Variants in UGGT2 observed in about 807,000 individuals in gnomAD.
The protein encoded by UGGT2 is UDP-glucose glycoprotein glucosyltransferase 2, also known as UDP-glucose:glycoprotein glucosyltransferase 2.
Under a neutral mutation model 192.1 loss-of-function variants are expected in UGGT2, and 180 were observed. That is an observed-to-expected ratio of 0.94 (90% CI 0.83 to 1.06). The LOEUF (loss-of-function observed/expected upper bound fraction) is 1.06, where lower values mean the gene tolerates loss of function less well. UGGT2 is among the 50% of genes least tolerant of loss of function. UGGT2 has a pLI of 0.00. For missense variants in UGGT2, 1,849 were observed against 1,795.7 expected, an observed-to-expected ratio of 1.03 and a Z score of -0.54; for synonymous variants, 580 against 591.0, an observed-to-expected ratio of 0.98 and a Z score of 0.27.
At chr13:95,877,191 A>G in intron 29 of UGGT2, 88 bp downstream of exon 29, 1 of 1,158,542 alleles carries the variant, frequency 8.6e-7, no homozygotes, top group Non-Finnish European at 1.2e-6. Context: ...CAATCTTAAC[A>G]TTTTAATTGT....
intron 36 of UGGT2, among the ~76,000 whole-genome samples, chr13:95,842,344 T>G (rs947538247): frequency 6.6e-6 from 1 of 152,204 alleles, no homozygotes; most frequent in Non-Finnish European, 1.5e-5. Context: ...TAAATCTATA[T>G]ACTTTTGGTA....
chr13:95,916,848 A>C (rs1465976082), intron 20 of UGGT2, among the ~76,000 whole-genome samples: 1 of 152,188 alleles, frequency 6.6e-6, no homozygotes, highest in Non-Finnish European at 1.5e-5. Flanking sequence ...TAGACACATT[A>C]AACAAAAAAG....
At chr13:95,947,676 C>T (rs2049922490) in intron 14 of UGGT2, among the ~76,000 whole-genome samples, 1 of 129,994 alleles carries the variant, frequency 7.7e-6, no homozygotes, top group South Asian at 2.8e-4. Flanking sequence ...GTCTTGAACC[C>T]CTGACCTCGT....
In UGGT2 at chr13:95,853,640, T is replaced by C; in HGVS notation, c.4187A>G (p.Asp1396Gly). 6.3e-7 allele frequency: 1 copy of C among 1,580,758 alleles called. No homozygotes were observed. Among genetic ancestry groups the C allele is most frequent in the South Asian group, 1.2e-5 (1 of 84,738 alleles). ...KYHISALYVV[D>G]LKKFRRIGAG... is the part of the protein sequence containing the mutation. The stretch of plus-strand genomic sequence containing the variant: ...TCCAATTCTCCTGAACTTCTTGAGA[T>C]CCACTACATATAAAGCACTGCAAAA... The change falls in exon 36 of 39, where the codon GAT becomes GGT. Residue 1396 changes from aspartate (D) to glycine (G), a missense_variant. Transcript: ENST00000376747.
At chr13:96,030,175 C>G (rs528154797) in intron 2 of UGGT2, among the ~76,000 whole-genome samples, 13 of 152,340 alleles carry the variant, frequency 8.5e-5, no homozygotes, top group African/African-American at 3.1e-4. Context: ...TCTCATCATT[C>G]AAACTCAGCT....
At chr13:95,952,335 C>A (rs1045596011) in intron 12 of UGGT2, among the ~76,000 whole-genome samples, 3 of 152,072 alleles carry the variant, frequency 2.0e-5, no homozygotes, top group East Asian at 1.9e-4. Context: ...GATATACCCA[C>A]CCCCTAGTAT....
intron 24 of UGGT2, among the ~76,000 whole-genome samples, chr13:95,893,012 C>G (rs141494676): frequency 1.2e-4 from 19 of 152,242 alleles, no homozygotes; most frequent in African/African-American, 4.3e-4. Flanking sequence ...AATGTCAAAT[C>G]CACAGAGTCT....
intron 22 of UGGT2, among the ~76,000 whole-genome samples, chr13:95,899,318 A>G (rs1160493342): frequency 1.3e-5 from 2 of 152,192 alleles, no homozygotes; most frequent in Non-Finnish European, 2.9e-5. Context: ...ATGCCTTATC[A>G]GTAAGGGTGC....
At chr13:95,994,182 T>C (rs918808502) in intron 7 of UGGT2, among the ~76,000 whole-genome samples, 2 of 152,044 alleles carry the variant, frequency 1.3e-5, no homozygotes, top group Non-Finnish European at 2.9e-5. Context: ...GTCAGAACTT[T>C]ATCAACTCCT....
chr13:95,884,752 G>C, intron 26 of UGGT2, 72 bp from the exon 27 acceptor site: 1 of 1,423,452 alleles, frequency 7.0e-7, no homozygotes, highest in East Asian at 2.4e-5. Flanking sequence ...TTTCAAAATT[G>C]AAAATTGCTT....
intron 12 of UGGT2, among the ~76,000 whole-genome samples, chr13:95,965,524 T>G (rs547251347): frequency 2.2e-5 from 3 of 137,626 alleles, no homozygotes; most frequent in African/African-American, 8.3e-5. Context: ...TTCTCACTCA[T>G]AGGTGGGAAT....
In UGGT2 at chr13:96,013,304, T is replaced by G. The variant is rs1028804188; in HGVS notation, c.660+3A>C. 6.4e-7 allele frequency: 1 copy of G among 1,573,082 alleles called. No individual in the cohort carries two copies. Among genetic ancestry groups the G allele is most frequent in the African/African-American group, 1.4e-5 (1 of 72,274 alleles). On this transcript the variant is annotated splice_donor_region_variant and intron_variant, in intron 5 of 38. Transcript: ENST00000376747. ...AGCAACCTTGGAAAAAACAAGCGCA[T>G]ACCTGAATATAATGGCGAAGAACAT...
intron 12 of UGGT2, among the ~76,000 whole-genome samples, chr13:95,957,206 G>A (rs1018906058): frequency 2.6e-5 from 4 of 152,194 alleles, no homozygotes; most frequent in Non-Finnish European, 4.4e-5. Flanking sequence ...TGTGAACAGA[G>A]CTTCGTTCGG....
In UGGT2 at chr13:95,863,704, T is replaced by A; in HGVS notation, c.3569A>T (p.Glu1190Val). ...GATATCTTCCTTAATTTTGTCTGTTTCTTTTTTCACCTAGATAGCATGGCA... is the reference window on the plus strand; with the variant it reads ...GATATCTTCCTTAATTTTGTCTGTTACTTTTTTCACCTAGATAGCATGGCA... ...SKILKVKVKK[E>V]TDKIKEDILT... The change falls in exon 31 of 39, where the codon GAA becomes GTA. Residue 1190 changes from glutamate to valine, a missense_variant. Glu to Val is a moderately radical substitution (Grantham distance 121, BLOSUM62 -2). Transcript: ENST00000376747. 1.2e-6 allele frequency: 2 copies of A among 1,612,496 alleles called. No homozygotes were observed. Among genetic ancestry groups the A allele is most frequent in the Non-Finnish European group, 1.7e-6 (2 of 1,178,906 alleles).
chr13:95,885,143 C>T (rs1314995965), intron 26 of UGGT2, among the ~76,000 whole-genome samples: 2 of 152,136 alleles, frequency 1.3e-5, no homozygotes, highest in Non-Finnish European at 2.9e-5. Context: ...CAACTAAAAA[C>T]AAATAGGATT....
chr13:96,036,724 C>T (rs1352679794), intron 1 of UGGT2, among the ~76,000 whole-genome samples: 4 of 152,180 alleles, frequency 2.6e-5, no homozygotes, highest in African/African-American at 9.7e-5. Flanking sequence ...ACCAGTTCTG[C>T]ACCTGGTAAA....
intron 38 of UGGT2, among the ~76,000 whole-genome samples, chr13:95,831,681 A>G (rs1886705140): frequency 6.6e-6 from 1 of 152,144 alleles, no homozygotes; most frequent in Admixed American, 6.6e-5. Context: ...TCCTTAACTT[A>G]TACAGCTACT....
chr13:95,833,158 G>A lies in UGGT2; in HGVS notation c.4402-105C>T, dbSNP rs1286957077. 1.5e-5 allele frequency: 19 copies of A among 1,285,098 alleles called. No homozygotes were observed. The South Asian group carries it at 2.8e-4, about 19-fold the overall frequency. 79.6% of individuals were successfully genotyped at this position (1,285,098 alleles called of 1,614,324 possible). On this transcript the variant is annotated intron_variant, in intron 37 of 38. Transcript: ENST00000376747. ...CAAAATACATTTTATAAAAAGCAGA[G>A]TCCTACTAAGTACTGGAAGTTTAAT...
chr13:95,970,219 G>T lies in UGGT2; in HGVS notation c.1228C>A (p.Leu410Ile), dbSNP rs374140865. 2.4e-5 allele frequency: 39 copies of T among 1,612,844 alleles called. No individual in the cohort carries two copies. Among genetic ancestry groups the T allele is most frequent in the Non-Finnish European group, 3.1e-5 (37 of 1,179,304 alleles). ...TCCCCATTGATCCCAAGATTGCGAA[G>T]GCCATTCATCATTTTTCCTTCTAAT... is the stretch of plus-strand genomic sequence containing the variant. ...LKLEGKMMNG[L>I]RNLGINGEDM... The change falls in exon 12 of 39, where the codon CTT becomes ATT. Residue 410 changes from leucine (L) to isoleucine (I), a missense_variant. Leu to Ile is a conservative substitution (Grantham distance 5). Coordinates refer to ENST00000376747, the MANE Select transcript of UGGT2 (RefSeq NM_020121.4).
Sources: gnomAD v4.1 joint callset for allele counts (sites outside exome capture counted in the v4.1 genomes callset) on GRCh38, gnomAD v4.1.1 for gene constraint, MANE v1.5 for transcripts, NCBI Gene and HGNC (gene_info 2026-07-23, HGNC 2026-07-21) for gene names.